Variants in ROBO1 observed in about 807,000 individuals in gnomAD.
ROBO1 encodes roundabout guidance receptor 1.
ROBO1 carries 149 observed loss-of-function variants against 195.9 expected under a neutral mutation model. The observed-to-expected ratio is 0.76, with a 90% CI of 0.67 to 0.87. The LOEUF (loss-of-function observed/expected upper bound fraction) is 0.87, where lower values mean the gene tolerates loss of function less well. Among genes scored for constraint, ROBO1 ranks in the 40% least tolerant of loss-of-function variants. The pLI is 0.00. For synonymous variants in ROBO1, 816 were observed against 733.2 expected, an observed-to-expected ratio of 1.11 and a Z score of -1.82; for missense variants, 1,933 against 2,068.3, an observed-to-expected ratio of 0.93 and a Z score of 1.27.
chr3:78,634,801 A>G (rs942572083), intron 23 of ROBO1, among the ~76,000 whole-genome samples: 1 of 152,212 alleles, frequency 6.6e-6, no homozygotes, highest in Non-Finnish European at 1.5e-5. Flanking sequence ...AAACTTGAGA[A>G]AAGCCTAGCT....
chr3:79,273,063 C>T (rs930510560), intron 2 of ROBO1, among the ~76,000 whole-genome samples: 2 of 151,968 alleles, frequency 1.3e-5, no homozygotes, highest in Non-Finnish European at 2.9e-5. Flanking sequence ...CAAACAAAAG[C>T]TGAGTGATTT....
Position 79,462,230 on chromosome 3 carries a change from T to C in ROBO1, c.88+127594A>G, listed in dbSNP as rs145282942. Among the ~76,000 whole-genome samples, 1,403 of 152,292 alleles carry C rather than the reference T, an allele frequency of 9.2e-3. 13 individuals carry two copies. The highest frequency in any genetic ancestry group is 0.031 in the Middle Eastern group (9 of 294). On this transcript the variant is annotated intron_variant, in intron 2 of 30. Coordinates refer to ENST00000464233, the MANE Select transcript of ROBO1 (RefSeq NM_002941.4). ...ACAAGTTGTCATTTCTGTCCTACTGTGTTGGTTAAAGTATCACAGGCAAGC... is the reference window on the plus strand; with the variant it reads ...ACAAGTTGTCATTTCTGTCCTACTGCGTTGGTTAAAGTATCACAGGCAAGC...
At chr3:79,104,086 G>A (rs551549173) in intron 3 of ROBO1, among the ~76,000 whole-genome samples, 1 of 151,632 alleles carries the variant, frequency 6.6e-6, no homozygotes, top group African/African-American at 2.4e-5. Flanking sequence ...TTTTATCTCC[G>A]ACCTAGGGAT....
intron 1 of ROBO1, among the ~76,000 whole-genome samples, chr3:79,687,179 G>A (rs1212691112): frequency 2.0e-5 from 3 of 152,126 alleles, no homozygotes; most frequent in Non-Finnish European, 4.4e-5. Flanking sequence ...GAAAGCTGAA[G>A]CTGCGTCCCT....
intron 2 of ROBO1, among the ~76,000 whole-genome samples, chr3:79,506,417 G>C (rs1309807454): frequency 1.3e-5 from 2 of 151,984 alleles, no homozygotes. Context: ...GATGCCAACA[G>C]TAAGTTTCAA....
intron 1 of ROBO1, among the ~76,000 whole-genome samples, chr3:79,686,046 T>TG: frequency 6.6e-6 from 1 of 152,120 alleles, no homozygotes; most frequent in Non-Finnish European, 1.5e-5. Flanking sequence ...GTTTCATCCC[T>TG]GGGATGCAAG....
At chr3:78,818,372 T>A (rs2030385383) in intron 4 of ROBO1, among the ~76,000 whole-genome samples, 1 of 152,188 alleles carries the variant, frequency 6.6e-6, no homozygotes, top group South Asian at 2.1e-4. Flanking sequence ...TGGAGCAGCA[T>A]TATTCATCCC....
At chr3:78,845,721 C>T (rs2033619291) in intron 4 of ROBO1, among the ~76,000 whole-genome samples, 1 of 152,134 alleles carries the variant, frequency 6.6e-6, no homozygotes, top group Non-Finnish European at 1.5e-5. Flanking sequence ...CTGGGGAACC[C>T]CCGGAGGGGA....
At chr3:78,632,837 TC>T (rs1705261712) in intron 24 of ROBO1, among the ~76,000 whole-genome samples, 1 of 152,210 alleles carries the variant, frequency 6.6e-6, no homozygotes, top group Non-Finnish European at 1.5e-5. Flanking sequence ...TTAAAATATT[TC>T]ATATGATTTT....
At chr3:78,786,576 C>T (rs879911365) in intron 4 of ROBO1, among the ~76,000 whole-genome samples, 13 of 152,166 alleles carry the variant, frequency 8.5e-5, no homozygotes, top group South Asian at 4.1e-4. Flanking sequence ...GGGAGGGACC[C>T]GGTAGGAGGT....
chr3:79,741,257 T>G (rs1995402), intron 1 of ROBO1, among the ~76,000 whole-genome samples: 87,698 of 152,054 alleles, frequency 0.58, 25,515 homozygotes, highest in South Asian at 0.69. Flanking sequence ...AATTCTGGTG[T>G]TAACGATTAT....
chr3:78,728,453 G>A (rs567811718), intron 5 of ROBO1, among the ~76,000 whole-genome samples: 1 of 8,192 alleles, frequency 1.2e-4, no homozygotes, highest in Admixed American at 1.9e-3. Flanking sequence ...TTTCTTCTAG[G>A]TTATAAAAAA....
intron 3 of ROBO1, among the ~76,000 whole-genome samples, chr3:79,116,123 T>A (rs578034438): frequency 6.6e-6 from 1 of 152,290 alleles, no homozygotes; most frequent in African/African-American, 2.4e-5. Flanking sequence ...CAGTTGTTCC[T>A]CCATACCTGT....
chr3:79,502,467 G>A (rs886540993), intron 2 of ROBO1, among the ~76,000 whole-genome samples: 3 of 152,112 alleles, frequency 2.0e-5, no homozygotes, highest in Admixed American at 6.5e-5. Flanking sequence ...CTCGGGACCT[G>A]TAGCCCGCCA....
intron 3 of ROBO1, among the ~76,000 whole-genome samples, chr3:78,970,646 T>G (rs944926457): frequency 6.6e-6 from 1 of 152,122 alleles, no homozygotes; most frequent in Admixed American, 6.5e-5. Context: ...CTAACCATAA[T>G]AGTAGAATAA....
intron 2 of ROBO1, among the ~76,000 whole-genome samples, chr3:79,264,458 G>T (rs898652346): frequency 6.6e-6 from 1 of 150,698 alleles, no homozygotes; most frequent in Non-Finnish European, 1.5e-5. Flanking sequence ...CTTTCCCTTC[G>T]CCTATTCATG....
chr3:79,173,872 T>C (rs1435816819), intron 2 of ROBO1, among the ~76,000 whole-genome samples: 1 of 152,096 alleles, frequency 6.6e-6, no homozygotes, highest in East Asian at 1.9e-4. Context: ...AGCTCAAGGT[T>C]TGTAAACACA....
intron 4 of ROBO1, among the ~76,000 whole-genome samples, chr3:78,832,900 C>A (rs1040434601): frequency 2.6e-5 from 4 of 152,044 alleles, no homozygotes; most frequent in African/African-American, 9.7e-5. Context: ...CTGTATTCAG[C>A]AAACCATTAA....
intron 29 of ROBO1, among the ~76,000 whole-genome samples, chr3:78,604,622 A>C (rs1703364588): frequency 6.6e-6 from 1 of 152,198 alleles, no homozygotes; most frequent in South Asian, 2.1e-4. Context: ...TGAAATGCAC[A>C]GCTTTATTTA....
Sources: gnomAD v4.1 joint callset for allele counts (sites outside exome capture counted in the v4.1 genomes callset) on GRCh38, gnomAD v4.1.1 for gene constraint, MANE v1.5 for transcripts, NCBI Gene and HGNC (gene_info 2026-07-23, HGNC 2026-07-21) for gene names.